Variants in GSE1 observed in about 807,000 individuals in gnomAD.
The protein encoded by GSE1 is Gse1 coiled-coil protein.
Under a neutral mutation model 112.6 loss-of-function variants are expected in GSE1, and 32 were observed. The observed-to-expected ratio is 0.28, with a 90% confidence interval of 0.21 to 0.38. The LOEUF (loss-of-function observed/expected upper bound fraction) is 0.38, where lower values mean the gene tolerates loss of function less well. Among genes scored for constraint, GSE1 ranks in the 10% least tolerant of loss-of-function variants. The pLI is 1.00. For synonymous variants in GSE1, 1,115 were observed against 735.6 expected (o/e 1.52, Z -8.35); for missense variants, 2,348 against 1,699.2 (o/e 1.38, Z -6.71).
chr16:85,222,035 G>T (rs1421873561), intron 1 of GSE1, among the ~76,000 whole-genome samples: 17 of 152,166 alleles, frequency 1.1e-4, no homozygotes, highest in Non-Finnish European at 2.5e-4. Context: ...CCTCGGGTCT[G>T]CTGGGAGCCT....
chr16:85,291,751 CCCAGAGG>C lies in GSE1; in HGVS notation c.2284-65701_2284-65695del, dbSNP rs369827166. On this transcript the variant is annotated intron_variant, in intron 1 of 2. Transcript: ENST00000637419. ...GTGAAGGTCAGGCTGGGGGCAGAGG[CCCAGAGG>C]CCAGAGGCCACCTCCCAGGCCTCTC... Among the ~76,000 whole-genome samples, 631 of 152,312 alleles carry C rather than the reference CCCAGAGG, an allele frequency of 4.1e-3. 3 individuals carry two copies. Among genetic ancestry groups the C allele is most frequent in the African/African-American group, 0.014 (591 of 41,568 alleles).
chr16:85,571,919 A>G (rs1294593590), intron 1 of GSE1, among the ~76,000 whole-genome samples: 3 of 152,162 alleles, frequency 2.0e-5, no homozygotes, highest in Non-Finnish European at 2.9e-5. Flanking sequence ...TGGCAGTTTC[A>G]TGAAGGAAGG....
exon 1 of GSE1, chr16:85,171,639 G>C (rs1597708874): frequency 2.0e-6 from 2 of 985,558 alleles, no homozygotes; most frequent in East Asian, 1.1e-4. Flanking sequence ...TGGCCCGGCT[G>C]CCCCTGTTCC....
chr16:85,212,146 C>T (rs1397608302), intron 1 of GSE1, among the ~76,000 whole-genome samples: 1 of 152,228 alleles, frequency 6.6e-6, no homozygotes, highest in Non-Finnish European at 1.5e-5. Flanking sequence ...TGGCTCATGC[C>T]TGGAATCCCA....
intron 1 of GSE1, among the ~76,000 whole-genome samples, chr16:85,210,131 A>G (rs1249518405): frequency 6.6e-6 from 1 of 152,198 alleles, no homozygotes; most frequent in Admixed American, 6.5e-5. Flanking sequence ...TCTGTGTCGT[A>G]TTCGTCTTTA....
intron 1 of GSE1, among the ~76,000 whole-genome samples, chr16:85,572,156 A>C (rs530215333): frequency 6.7e-6 from 1 of 149,628 alleles, no homozygotes; most frequent in African/African-American, 2.5e-5. Flanking sequence ...AACACACCAC[A>C]CACACACTGA....
intron 1 of GSE1, among the ~76,000 whole-genome samples, chr16:85,272,271 C>T (rs1051544625): frequency 7.9e-5 from 12 of 152,236 alleles, no homozygotes; most frequent in African/African-American, 1.4e-4. Context: ...AAGGGCTATG[C>T]GCGTGGGACG....
intron 2 of GSE1, among the ~76,000 whole-genome samples, chr16:85,428,524 T>A (rs2049044636): frequency 6.6e-6 from 1 of 152,248 alleles, no homozygotes; most frequent in Non-Finnish European, 1.5e-5. Context: ...ACGTAGCGCT[T>A]GGAACCAGCA....
intron 2 of GSE1, among the ~76,000 whole-genome samples, chr16:85,544,804 G>C (rs2044640201): frequency 6.6e-6 from 1 of 152,244 alleles, no homozygotes; most frequent in Admixed American, 6.5e-5. Flanking sequence ...TCCTGGAGCA[G>C]GGCCTCGCCT....
At chr16:85,482,694 TC>T (rs1476642706) in intron 2 of GSE1, among the ~76,000 whole-genome samples, 2 of 152,174 alleles carry the variant, frequency 1.3e-5, no homozygotes, top group Non-Finnish European at 2.9e-5. Flanking sequence ...AATACAAAGC[TC>T]AGGCGAGCAC....
intron 13 of GSE1, among the ~76,000 whole-genome samples, chr16:85,666,932 C>T (rs771096606): frequency 1.3e-5 from 2 of 152,216 alleles, no homozygotes; most frequent in Non-Finnish European, 1.5e-5. Flanking sequence ...TGCCAAGCAC[C>T]AGGTACTACA....
In GSE1 at chr16:85,347,545, C is replaced by G. The variant is rs546692317; in HGVS notation, c.2284-9918C>G. Among the ~76,000 whole-genome samples, 826 of 152,290 alleles carry G rather than the reference C, an allele frequency of 5.4e-3. 10 individuals carry two copies. Among genetic ancestry groups the G allele is most frequent in the Non-Finnish European group, 5.4e-3 (366 of 68,012 alleles). ...GTCAGTTTCGTCAACATGGATGGAT[C>G]CCCGCTTTCTAGTGACCCTCCTGGA... On this transcript the variant is annotated intron_variant, in intron 1 of 2. Coordinates refer to the GSE1 transcript ENST00000637419.
intron 2 of GSE1, among the ~76,000 whole-genome samples, chr16:85,505,912 G>A (rs2051520093): frequency 6.6e-6 from 1 of 151,878 alleles, no homozygotes; most frequent in Non-Finnish European, 1.5e-5. Context: ...GGTCAAGGCT[G>A]TAGTGACCTG....
chr16:85,441,039 G>T (rs2049363869), intron 2 of GSE1, among the ~76,000 whole-genome samples: 1 of 152,232 alleles, frequency 6.6e-6, no homozygotes, highest in Non-Finnish European at 1.5e-5. Context: ...CGAGGGGCTG[G>T]CGGGGAGATG....
chr16:85,532,305 G>T (rs115002465), intron 2 of GSE1, among the ~76,000 whole-genome samples: 2,897 of 152,248 alleles, frequency 0.019, 85 homozygotes, highest in African/African-American at 0.064. Context: ...CTGTTGCCCA[G>T]GTTGCAGTGT....
chr16:85,446,585 G>A (rs1160221823), intron 2 of GSE1, among the ~76,000 whole-genome samples: 1 of 152,184 alleles, frequency 6.6e-6, no homozygotes, highest in Non-Finnish European at 1.5e-5. Flanking sequence ...GGAGTGGAGA[G>A]CAGAGGGTAG....
chr16:85,559,342 C>T (rs1458984284), intron 1 of GSE1, among the ~76,000 whole-genome samples: 1 of 152,240 alleles, frequency 6.6e-6, no homozygotes. Flanking sequence ...AAGCTGGCTT[C>T]TGTCTGCCAC....
At chr16:85,322,049 G>C (rs989684308) in intron 1 of GSE1, among the ~76,000 whole-genome samples, 1 of 152,226 alleles carries the variant, frequency 6.6e-6, no homozygotes, top group East Asian at 1.9e-4. Context: ...AGGGGCTGGC[G>C]TGGAGCCTGC....
chr16:85,546,880 C>A (rs1169033912), intron 2 of GSE1, among the ~76,000 whole-genome samples: 1 of 152,234 alleles, frequency 6.6e-6, no homozygotes, highest in African/African-American at 2.4e-5. Flanking sequence ...AGAGGTAGAT[C>A]CTCAGGAAGG....
Sources: allele counts gnomAD v4.1 joint callset (sites outside exome capture counted in the v4.1 genomes callset), GRCh38; gene constraint gnomAD v4.1.1; transcripts MANE v1.5; gene names NCBI Gene and HGNC (gene_info 2026-07-23, HGNC 2026-07-21).